Variants in ZRANB3 observed in about 807,000 individuals in gnomAD.
ZRANB3 encodes the protein DNA annealing helicase and endonuclease ZRANB3.
Under a neutral mutation model 133.8 loss-of-function variants are expected in ZRANB3, and 125 were observed. That is an observed-to-expected ratio of 0.93 (90% CI 0.81 to 1.08). The LOEUF is 1.08. ZRANB3 is among the 50% of genes least tolerant of loss of function. The probability of loss-of-function intolerance (pLI) is 0.00; values close to 1 mark genes in which losing one functional copy is unlikely to be tolerated. For missense variants in ZRANB3, 1,229 were observed against 1,275.5 expected (o/e 0.96, Z 0.56); for synonymous variants, 387 against 432.7 (o/e 0.89, Z 1.31).
intron 19 of ZRANB3, among the ~76,000 whole-genome samples, chr2:135,205,187 T>C (rs1693808348): frequency 6.6e-6 from 1 of 152,232 alleles, no homozygotes; most frequent in African/African-American, 2.4e-5. Context: ...ATATATAATT[T>C]GTCAAACTGG....
chr2:135,336,141 T>C (rs1349288308), intron 6 of ZRANB3, among the ~76,000 whole-genome samples: 2 of 152,198 alleles, frequency 1.3e-5, no homozygotes, highest in Non-Finnish European at 2.9e-5. Context: ...ATAAGAGATG[T>C]TCTGGTTGAG....
intron 3 of ZRANB3, among the ~76,000 whole-genome samples, chr2:135,376,046 T>G (rs1001787116): frequency 6.6e-6 from 1 of 152,168 alleles, no homozygotes; most frequent in Non-Finnish European, 1.5e-5. Flanking sequence ...ATCTGACCAG[T>G]GTCCCTATAA....
chr2:135,233,462 G>T (rs1325142560), intron 12 of ZRANB3, among the ~76,000 whole-genome samples: 1 of 152,094 alleles, frequency 6.6e-6, no homozygotes, highest in East Asian at 1.9e-4. Context: ...GATACTCCTC[G>T]AGAAGAGCAA....
intron 8 of ZRANB3, among the ~76,000 whole-genome samples, chr2:135,310,018 C>A (rs189955386): frequency 3.3e-5 from 5 of 152,196 alleles, no homozygotes; most frequent in Non-Finnish European, 7.4e-5. Flanking sequence ...CTCACTGCAA[C>A]CTCCACCTCC....
chr2:135,329,954 G>T (rs1684052911), intron 6 of ZRANB3, among the ~76,000 whole-genome samples: 1 of 152,170 alleles, frequency 6.6e-6, no homozygotes, highest in African/African-American at 2.4e-5. Flanking sequence ...GAGATTTTGG[G>T]CTGAGACAGT....
intron 6 of ZRANB3, among the ~76,000 whole-genome samples, chr2:135,336,886 A>G (rs1326336510): frequency 6.6e-6 from 1 of 152,132 alleles, no homozygotes; most frequent in East Asian, 1.9e-4. Flanking sequence ...AGTCTGCAAC[A>G]ATTACAATTA....
At chr2:135,406,034 C>T (rs530742995) in intron 2 of ZRANB3, among the ~76,000 whole-genome samples, 3 of 152,154 alleles carry the variant, frequency 2.0e-5, no homozygotes, top group South Asian at 4.2e-4. Context: ...AATACAGGAG[C>T]TGGTTTTTTG....
chr2:135,377,033 C>T (rs1476108692), intron 3 of ZRANB3, among the ~76,000 whole-genome samples: 1 of 152,194 alleles, frequency 6.6e-6, no homozygotes, highest in African/African-American at 2.4e-5. Context: ...ACACCATGCT[C>T]TAGCCAATAA....
At chr2:135,406,178 A>G (rs1688016281) in intron 2 of ZRANB3, among the ~76,000 whole-genome samples, 1 of 152,238 alleles carries the variant, frequency 6.6e-6, no homozygotes, top group Admixed American at 6.5e-5. Flanking sequence ...CTACCATAGG[A>G]GAATACTACA....
chr2:135,403,697 C>T (rs1407191254), intron 2 of ZRANB3, among the ~76,000 whole-genome samples: 1 of 152,174 alleles, frequency 6.6e-6, no homozygotes, highest in East Asian at 1.9e-4. Context: ...CTGGGAGGCA[C>T]CCCCGAGTAG....
At chr2:135,446,070 G>T (rs1690007978) in intron 2 of ZRANB3, among the ~76,000 whole-genome samples, 1 of 151,798 alleles carries the variant, frequency 6.6e-6, no homozygotes, top group Non-Finnish European at 1.5e-5. Context: ...GCTGGGCATA[G>T]TGGTGAGTGC....
At chr2:135,417,853 C>T (rs1163363524) in intron 2 of ZRANB3, among the ~76,000 whole-genome samples, 4 of 152,016 alleles carry the variant, frequency 2.6e-5, no homozygotes, top group Non-Finnish European at 4.4e-5. Flanking sequence ...AGTAAACTAT[C>T]GCAAGGACAA....
At chr2:135,506,585 T>C (rs1348888357) in intron 1 of ZRANB3, among the ~76,000 whole-genome samples, 1 of 152,194 alleles carries the variant, frequency 6.6e-6, no homozygotes, top group Non-Finnish European at 1.5e-5. Flanking sequence ...AAAATTAAAA[T>C]TAAAAATTCA....
At chr2:135,408,698 C>CATCATTCTCAGCAAACT (rs1279269457) in intron 2 of ZRANB3, among the ~76,000 whole-genome samples, 5 of 151,946 alleles carry the variant, frequency 3.3e-5, no homozygotes, top group Non-Finnish European at 7.4e-5. Flanking sequence ...AACTGGAAAC[C>CATCATTCTCAGCAAACT]ATCATTCTCA....
At chr2:135,288,960 T>C (rs554436665) in intron 8 of ZRANB3, among the ~76,000 whole-genome samples, 2 of 152,040 alleles carry the variant, frequency 1.3e-5, no homozygotes, top group African/African-American at 4.8e-5. Flanking sequence ...TCTTTTCTTC[T>C]GCTGGGTTTG....
At chr2:135,205,525 T>C (rs1327000249) in intron 19 of ZRANB3, among the ~76,000 whole-genome samples, 1 of 152,076 alleles carries the variant, frequency 6.6e-6, no homozygotes, top group East Asian at 1.9e-4. Flanking sequence ...ATTGTTCTGG[T>C]TTTTTTCTTT....
chr2:135,419,301 T>C (rs1250237295), intron 2 of ZRANB3, among the ~76,000 whole-genome samples: 2 of 152,090 alleles, frequency 1.3e-5, no homozygotes, highest in Non-Finnish European at 2.9e-5. Context: ...ACAATACTAT[T>C]TTGTGTACAT....
intron 2 of ZRANB3, among the ~76,000 whole-genome samples, chr2:135,396,884 T>C (rs1250777350): frequency 6.6e-6 from 1 of 152,152 alleles, no homozygotes; most frequent in African/African-American, 2.4e-5. Flanking sequence ...ATTGTATGCC[T>C]GTATCAAAAT....
chr2:135,479,735 C>T (rs1002389942), intron 2 of ZRANB3, among the ~76,000 whole-genome samples: 42 of 151,982 alleles, frequency 2.8e-4, no homozygotes, highest in Admixed American at 2.5e-3. Context: ...AGCCAAGTCT[C>T]TCTATAGACA....
Sources: gnomAD v4.1 joint callset for allele counts (sites outside exome capture counted in the v4.1 genomes callset) on GRCh38, gnomAD v4.1.1 for gene constraint, MANE v1.5 for transcripts, NCBI Gene and HGNC (gene_info 2026-07-23, HGNC 2026-07-21) for gene names.